The following EXT1 variants were observed in gnomAD, a reference collection of about 807,000 sequenced individuals.
EXT1 encodes exostosin glycosyltransferase 1, also known as exostosin-1.
In EXT1, 20 loss-of-function variants were observed where a neutral mutation model predicts 82.5. The ratio of observed to expected loss-of-function variants is 0.24; its 90% CI spans 0.17 to 0.35. The LOEUF is 0.35. EXT1 is among the 10% of genes least tolerant of loss of function. The probability of loss-of-function intolerance (pLI) is 1.00; values close to 1 mark genes in which losing one functional copy is unlikely to be tolerated. For missense variants in EXT1, 757 were observed against 936.5 expected (o/e 0.81, Z 2.50); for synonymous variants, 348 against 350.8 (o/e 0.99, Z 0.09).
At chr8:117,844,550 G>A (rs1812323309) in intron 1 of EXT1, among the ~76,000 whole-genome samples, 1 of 152,054 alleles carries the variant, frequency 6.6e-6, no homozygotes, top group Non-Finnish European at 1.5e-5. Flanking sequence ...ATATATAAGT[G>A]GGAACCAATC....
chr8:118,056,156 T>C (rs1816790820), intron 1 of EXT1, among the ~76,000 whole-genome samples: 1 of 152,242 alleles, frequency 6.6e-6, no homozygotes, highest in South Asian at 2.1e-4. Flanking sequence ...AGCCATTCTG[T>C]GCTGCAGGTG....
chr8:118,106,425 T>C (rs1254636439), intron 1 of EXT1, among the ~76,000 whole-genome samples: 4 of 152,222 alleles, frequency 2.6e-5, no homozygotes, highest in African/African-American at 9.6e-5. Flanking sequence ...GTCCCTCAGT[T>C]TCTACATCTG....
chr8:117,819,644 G>C (rs137894512), intron 6 of EXT1, 32 bp downstream of exon 6: 7 of 1,584,010 alleles, frequency 4.4e-6, no homozygotes, highest in Non-Finnish European at 6.1e-6. Flanking sequence ...AGCTGGAGCA[G>C]GCAGGGGCTT....
chr8:117,877,089 G>A (rs1204976524), intron 1 of EXT1, among the ~76,000 whole-genome samples: 2 of 152,204 alleles, frequency 1.3e-5, no homozygotes, highest in African/African-American at 2.4e-5. Flanking sequence ...TAATGACTGA[G>A]TACCTTGAAG....
chr8:117,830,312 A>G lies in EXT1; in HGVS notation c.1202T>C (p.Ile401Thr), dbSNP rs1368862860. 1.9e-6 allele frequency: 3 copies of G among 1,614,074 alleles called. No homozygotes were observed. The highest frequency in any genetic ancestry group is 2.5e-6 in the Non-Finnish European group (3 of 1,179,966). Residue 401 changes from isoleucine to threonine, a missense_variant, in exon 4 of 11, where the codon ATC becomes ACC. Around this residue, in one of 4 missense-constraint regions of EXT1, gnomAD observed 207 missense variants for 224.2 expected, o/e 0.92. Transcript: ENST00000378204. The part of the protein sequence containing the change: ...STIRSIHQDK[I>T]LALRQQTQFL... ...TTGTGTCTGCTGTCTAAGTGCTAGGATTTTATCCTGATGAATAGACCTGAT... is the reference window on the plus strand; with the variant it reads ...TTGTGTCTGCTGTCTAAGTGCTAGGGTTTTATCCTGATGAATAGACCTGAT...
At chr8:118,028,879 G>T (rs1284075134) in intron 1 of EXT1, among the ~76,000 whole-genome samples, 1 of 151,944 alleles carries the variant, frequency 6.6e-6, no homozygotes, top group African/African-American at 2.4e-5. Context: ...CCAAGATCGC[G>T]CCATTGCACT....
At position 118,110,082 on chromosome 8, in the gene EXT1, T is replaced by C. The variant is rs769497988; in HGVS notation, c.962+3A>G. The C allele has an allele frequency of 1.2e-6, 2 of 1,613,860 alleles. No individual in the cohort carries two copies. The highest frequency in any genetic ancestry group is 1.7e-6 in the Non-Finnish European group (2 of 1,180,028). ...CCAAAGACACGCCAGCCCAGACACT[T>C]ACTTCTCATACTCGGTGTTGTCTCT... On this transcript the variant is annotated splice_donor_region_variant and intron_variant, in intron 1 of 10. Coordinates refer to ENST00000378204, the MANE Select transcript of EXT1 (RefSeq NM_000127.3).
intron 1 of EXT1, among the ~76,000 whole-genome samples, chr8:118,067,588 G>A (rs1001766796): frequency 9.2e-5 from 14 of 152,214 alleles, no homozygotes; most frequent in African/African-American, 3.1e-4. Context: ...CCAACGTGAA[G>A]CGGTTTCATC....
intron 1 of EXT1, among the ~76,000 whole-genome samples, chr8:117,908,852 G>T (rs1337919911): frequency 6.6e-6 from 1 of 151,970 alleles, no homozygotes; most frequent in African/African-American, 2.4e-5. Flanking sequence ...GGCTGGGTGC[G>T]GTGGTTCACG....
intron 1 of EXT1, among the ~76,000 whole-genome samples, chr8:117,876,229 G>A (rs1369638539): frequency 3.9e-5 from 6 of 152,148 alleles, no homozygotes; most frequent in Admixed American, 3.9e-4. Context: ...AACTCACAAG[G>A]AATATATCCA....
At chr8:118,079,942 T>G (rs559147100) in intron 1 of EXT1, among the ~76,000 whole-genome samples, 1 of 152,304 alleles carries the variant, frequency 6.6e-6, no homozygotes, top group South Asian at 2.1e-4. Flanking sequence ...ACCAGAGGCA[T>G]ATAAACTCAG....
intron 4 of EXT1, among the ~76,000 whole-genome samples, chr8:117,824,707 T>A (rs1199039483): frequency 6.6e-6 from 1 of 152,252 alleles, no homozygotes; most frequent in Non-Finnish European, 1.5e-5. Context: ...AGATATTACA[T>A]AATACAGCTA....
intron 2 of EXT1, among the ~76,000 whole-genome samples, chr8:117,836,390 G>A (rs1812189448): frequency 6.6e-6 from 1 of 152,192 alleles, no homozygotes; most frequent in Non-Finnish European, 1.5e-5. Context: ...GAGATAAGAA[G>A]TTATGAGGCA....
intron 1 of EXT1, among the ~76,000 whole-genome samples, chr8:117,874,534 C>T (rs1018175178): frequency 8.0e-5 from 11 of 137,420 alleles, no homozygotes; most frequent in African/African-American, 3.0e-4. Flanking sequence ...TGAGATCGTG[C>T]CACTTCACTC....
intron 1 of EXT1, among the ~76,000 whole-genome samples, chr8:118,043,986 C>A (rs956978099): frequency 2.0e-5 from 3 of 152,132 alleles, no homozygotes; most frequent in Admixed American, 6.6e-5. Flanking sequence ...TCAATATATA[C>A]CTTATTTACA....
intron 1 of EXT1, among the ~76,000 whole-genome samples, chr8:118,008,563 T>C (rs1439099570): frequency 1.3e-5 from 2 of 152,180 alleles, no homozygotes; most frequent in African/African-American, 4.8e-5. Flanking sequence ...GCATTTTATA[T>C]ACAGACTTAC....
chr8:117,851,565 C>T (rs1429305469), intron 1 of EXT1, among the ~76,000 whole-genome samples: 1 of 149,998 alleles, frequency 6.7e-6, no homozygotes, highest in African/African-American at 2.4e-5. Context: ...TACCATGTTC[C>T]ATTAGATTAA....
intron 1 of EXT1, among the ~76,000 whole-genome samples, chr8:117,856,347 C>T (rs921449290): frequency 7.3e-5 from 11 of 150,728 alleles, no homozygotes; most frequent in Middle Eastern, 3.5e-3. Context: ...TTCCGCCTCC[C>T]GGGTTCATGC....
At chr8:117,934,046 C>T (rs1480050804) in intron 1 of EXT1, among the ~76,000 whole-genome samples, 3 of 152,078 alleles carry the variant, frequency 2.0e-5, no homozygotes, top group Non-Finnish European at 4.4e-5. Context: ...ATATCTCTCC[C>T]AACCACAGGA....
Sources: allele counts gnomAD v4.1 joint callset (sites outside exome capture counted in the v4.1 genomes callset), GRCh38; gene constraint gnomAD v4.1.1; regional missense constraint gnomAD v4.1.1; transcripts MANE v1.5; gene names NCBI Gene and HGNC (gene_info 2026-07-23, HGNC 2026-07-21).